LPAR1: variants seen among roughly 807,000 people sequenced by gnomAD.
The protein encoded by LPAR1 is LPA receptor 1.
Under a neutral mutation model 23.8 loss-of-function variants are expected in LPAR1, and 5 were observed. The observed-to-expected ratio is 0.21, with a 90% CI of 0.11 to 0.44. The LOEUF (loss-of-function observed/expected upper bound fraction) is 0.44, where lower values mean the gene tolerates loss of function less well. LPAR1 is among the 20% of genes least tolerant of loss of function. The pLI, the probability that LPAR1 is intolerant of heterozygous loss-of-function variation, is 0.99. For synonymous variants in LPAR1, 160 were observed against 164.7 expected, an observed-to-expected ratio of 0.97 and a Z score of 0.22; for missense variants, 311 against 482.8, an observed-to-expected ratio of 0.64 and a Z score of 3.33.
chr9:110,943,955 C>T (rs2095280631), intron 4 of LPAR1, among the ~76,000 whole-genome samples: 1 of 151,890 alleles, frequency 6.6e-6, no homozygotes, highest in Admixed American at 6.6e-5. Flanking sequence ...AGATAAAAGT[C>T]TAAACTTTTC....
intron 5 of LPAR1, among the ~76,000 whole-genome samples, chr9:110,938,862 A>G (rs1457755247): frequency 6.6e-6 from 1 of 152,128 alleles, no homozygotes; most frequent in Non-Finnish European, 1.5e-5. Flanking sequence ...TGATACAGCA[A>G]GACCCTGTCT....
intron 4 of LPAR1, among the ~76,000 whole-genome samples, chr9:110,959,920 A>G (rs946191035): frequency 6.6e-6 from 1 of 152,162 alleles, no homozygotes; most frequent in South Asian, 2.1e-4. Context: ...TATCCCAGGC[A>G]TGGGATCTAT....
intron 5 of LPAR1, among the ~76,000 whole-genome samples, chr9:110,898,905 C>A (rs557304323): frequency 6.6e-6 from 1 of 152,092 alleles, no homozygotes; most frequent in Non-Finnish European, 1.5e-5. Context: ...TCACTGCATT[C>A]GTGCAAAGAA....
At chr9:110,901,312 C>T (rs2088867026) in intron 5 of LPAR1, among the ~76,000 whole-genome samples, 1 of 152,170 alleles carries the variant, frequency 6.6e-6, no homozygotes, top group Admixed American at 6.5e-5. Context: ...GAAGGTGAGG[C>T]TTTAACTCTT....
At chr9:111,012,664 G>A (rs1449836107) in intron 2 of LPAR1, among the ~76,000 whole-genome samples, 2 of 152,064 alleles carry the variant, frequency 1.3e-5, no homozygotes, top group South Asian at 2.1e-4. Context: ...GTAGGAGGAT[G>A]AGACAGAGTT....
At chr9:111,000,722 G>A (rs1022872660) in intron 2 of LPAR1, among the ~76,000 whole-genome samples, 3 of 152,140 alleles carry the variant, frequency 2.0e-5, no homozygotes, top group South Asian at 2.1e-4. Context: ...GCTCTCCTAC[G>A]TGCACAGTGC....
At chr9:110,929,760 A>G (rs2094280635) in intron 5 of LPAR1, among the ~76,000 whole-genome samples, 1 of 139,660 alleles carries the variant, frequency 7.2e-6, no homozygotes, top group South Asian at 2.2e-4. Context: ...TGCCAGATAA[A>G]ACACAAGATA....
chr9:111,015,383 T>C (rs2097423379), intron 2 of LPAR1, among the ~76,000 whole-genome samples: 1 of 152,152 alleles, frequency 6.6e-6, no homozygotes, highest in African/African-American at 2.4e-5. Flanking sequence ...CCTAAATGTC[T>C]TTCGTATCTA....
chr9:110,973,002 A>G (rs1394237376), intron 3 of LPAR1, among the ~76,000 whole-genome samples: 2 of 152,170 alleles, frequency 1.3e-5, no homozygotes, highest in African/African-American at 2.4e-5. Context: ...AACCCTGTAT[A>G]TAACAGAGAC....
intron 2 of LPAR1, among the ~76,000 whole-genome samples, chr9:110,985,497 C>G (rs1055680783): frequency 6.6e-6 from 1 of 152,094 alleles, no homozygotes; most frequent in African/African-American, 2.4e-5. Flanking sequence ...CGCACACTGA[C>G]TGCAGAGAGA....
chr9:110,955,965 T>G (rs1262967179), intron 4 of LPAR1, among the ~76,000 whole-genome samples: 1 of 150,968 alleles, frequency 6.6e-6, no homozygotes, highest in African/African-American at 2.4e-5. Flanking sequence ...AGATTTCCAA[T>G]AAACAACCCA....
At chr9:111,038,887 G>A (rs1351391770), upstream of LPAR1, among the ~76,000 whole-genome samples, 1 of 152,132 alleles carries the variant, frequency 6.6e-6, no homozygotes, top group Non-Finnish European at 1.5e-5. The surrounding 1 kb of genome is among the most constrained non-coding windows in gnomAD (Gnocchi z 4.4). Flanking sequence ...CCGGACAGCT[G>A]GCAGGACTCC....
At chr9:110,944,084 T>C (rs1245010047) in intron 4 of LPAR1, among the ~76,000 whole-genome samples, 1 of 152,176 alleles carries the variant, frequency 6.6e-6, no homozygotes, top group Non-Finnish European at 1.5e-5. Context: ...CAACTCTGGT[T>C]CTCAACAGTG....
Position 110,875,553 on chromosome 9 carries a change from G to C in LPAR1, c.963C>G (p.Thr321=), listed in dbSNP as rs747270836. 8.1e-6 allele frequency: 13 copies of C among 1,614,074 alleles called. No individual in the cohort carries two copies. The highest frequency in any genetic ancestry group is 2.7e-5 in the African/African-American group (2 of 74,940). ...GCTGGCAGCAGAGGATCTGCCTAAA[G>C]GTGGCGCTCATTTCTTTGTCGCGGT... ...YSYRDKEMSA[T]FRQILCCQRS... Residue 321 remains threonine, a synonymous_variant, in exon 6 of 6, where the codon ACC becomes ACG. Coordinates refer to ENST00000683809, the MANE Select transcript of LPAR1 (RefSeq NM_001351411.2).
chr9:110,902,842 C>T (rs762131889), intron 5 of LPAR1, among the ~76,000 whole-genome samples: 1 of 152,208 alleles, frequency 6.6e-6, no homozygotes, highest in South Asian at 2.1e-4. Flanking sequence ...CCTCTACCTC[C>T]ATCAGAGGCA....
At chr9:111,012,469 GCACACACACACACA>G (rs3030186) in intron 2 of LPAR1, among the ~76,000 whole-genome samples, 3 of 149,968 alleles carry the variant, frequency 2.0e-5, no homozygotes, top group Non-Finnish European at 4.4e-5. Context: ...ACGCACGCGC[GCACACACACACACA>G]CACACACACA....
intron 4 of LPAR1, among the ~76,000 whole-genome samples, chr9:110,967,708 T>G (rs2096269987): frequency 6.6e-6 from 1 of 152,222 alleles, no homozygotes; most frequent in Admixed American, 6.5e-5. Context: ...TATTTTTACC[T>G]TCTTTGAACT....
intron 2 of LPAR1, among the ~76,000 whole-genome samples, chr9:111,020,572 G>A (rs12353038): frequency 0.36 from 55,099 of 151,988 alleles, 11,002 homozygotes; most frequent in East Asian, 0.62. Flanking sequence ...GGAATTCTAG[G>A]CCAGGCATCT....
intron 5 of LPAR1, among the ~76,000 whole-genome samples, chr9:110,904,956 G>GTT (rs1322258858): frequency 6.6e-6 from 1 of 152,212 alleles, no homozygotes; most frequent in East Asian, 1.9e-4. Context: ...GGAAGTGACA[G>GTT]AAGGAAGACA....
Sources: gnomAD v4.1 joint callset for allele counts (sites outside exome capture counted in the v4.1 genomes callset) on GRCh38, gnomAD v4.1.1 for gene constraint, Gnocchi (gnomAD v3.1) non-coding constraint, MANE v1.5 for transcripts, NCBI Gene and HGNC (gene_info 2026-07-23, HGNC 2026-07-21) for gene names.